USH2A: variants seen among roughly 807,000 people sequenced by gnomAD.
USH2A encodes usherin.
Under a neutral mutation model 538.9 loss-of-function variants are expected in USH2A, and 443 were observed. That is an observed-to-expected ratio of 0.82 (90% CI 0.76 to 0.89). The LOEUF (loss-of-function observed/expected upper bound fraction) is 0.89, where lower values mean the gene tolerates loss of function less well. USH2A is among the 40% of genes least tolerant of loss of function. The pLI, the probability that USH2A is intolerant of heterozygous loss-of-function variation, is 0.00. For missense variants in USH2A, 6,633 were observed against 6,324.8 expected, an observed-to-expected ratio of 1.05 and a Z score of -1.65; for synonymous variants, 2,413 against 2,273.5, an observed-to-expected ratio of 1.06 and a Z score of -1.75.
At chr1:216,026,555 C>A (rs892292318) in intron 32 of USH2A, among the ~76,000 whole-genome samples, 2 of 152,150 alleles carry the variant, frequency 1.3e-5, no homozygotes, top group African/African-American at 2.4e-5. Context: ...CCTTACCAGT[C>A]TGGCATTCTG....
intron 50 of USH2A, among the ~76,000 whole-genome samples, chr1:215,792,011 A>G (rs913774760): frequency 6.6e-6 from 1 of 151,996 alleles, no homozygotes; most frequent in Non-Finnish European, 1.5e-5. Context: ...TTTACTGTTA[A>G]TTTTTTCTCT....
intron 20 of USH2A, among the ~76,000 whole-genome samples, chr1:216,187,655 A>G (rs149089206): frequency 1.3e-5 from 2 of 152,068 alleles, no homozygotes; most frequent in East Asian, 3.9e-4. Flanking sequence ...TTTTGATAAC[A>G]TTAGAAATTC....
chr1:215,998,188 G>A (rs574748549), intron 34 of USH2A, among the ~76,000 whole-genome samples: 13 of 152,128 alleles, frequency 8.5e-5, no homozygotes, highest in African/African-American at 2.2e-4. Flanking sequence ...ACAATCTCAT[G>A]TTTATATTCA....
intron 11 of USH2A, among the ~76,000 whole-genome samples, chr1:216,286,186 A>G (rs2036879734): frequency 6.6e-6 from 1 of 152,160 alleles, no homozygotes; most frequent in Non-Finnish European, 1.5e-5. Context: ...TGTAGTTCCC[A>G]TAATCCCCAT....
intron 9 of USH2A, among the ~76,000 whole-genome samples, chr1:216,320,917 A>G (rs1044142068): frequency 1.3e-5 from 2 of 152,050 alleles, no homozygotes; most frequent in African/African-American, 4.8e-5. Context: ...TAGAATTTTA[A>G]ATATTTATAT....
At chr1:215,898,150 A>G (rs1665399147) in intron 40 of USH2A, among the ~76,000 whole-genome samples, 1 of 152,214 alleles carries the variant, frequency 6.6e-6, no homozygotes, top group Non-Finnish European at 1.5e-5. Context: ...TACACAAAGC[A>G]GAGGAAGGAA....
rs542211643 is a variant in USH2A, at chr1:216,374,702, T to C, written c.652-9617A>G. ...TTTTACTCAGTGGGATATAATTAAT[T>C]ACTCTCAATATGTATTTCAGTGCTC... On this transcript the variant is annotated intron_variant, in intron 3 of 71. Coordinates refer to ENST00000307340, the MANE Select transcript of USH2A (RefSeq NM_206933.4). Among the ~76,000 whole-genome samples the C allele has an allele frequency of 2.0e-5, 3 of 152,290 alleles. No individual in the cohort carries two copies. The South Asian group carries it at 6.2e-4, about 32-fold the overall frequency.
intron 3 of USH2A, among the ~76,000 whole-genome samples, chr1:216,413,176 A>G (rs1382685039): frequency 6.6e-6 from 1 of 152,062 alleles, no homozygotes; most frequent in Non-Finnish European, 1.5e-5. Flanking sequence ...TTTAGCACAC[A>G]TATGCATGCA....
chr1:216,132,050 CTT>C (rs1467750905), intron 21 of USH2A, among the ~76,000 whole-genome samples: 1 of 152,024 alleles, frequency 6.6e-6, no homozygotes, highest in African/African-American at 2.4e-5. Flanking sequence ...TCCACATGCT[CTT>C]GAGTCCAAGT....
intron 32 of USH2A, among the ~76,000 whole-genome samples, chr1:216,034,387 G>A (rs1571905560): frequency 6.6e-6 from 1 of 152,118 alleles, no homozygotes; most frequent in African/African-American, 2.4e-5. Context: ...CAACTGAGTG[G>A]CAAAGTAGTT....
chr1:215,693,984 A>G (rs1485236480), intron 61 of USH2A, among the ~76,000 whole-genome samples: 3 of 152,230 alleles, frequency 2.0e-5, no homozygotes, highest in African/African-American at 7.2e-5. Context: ...AAGGGCTGCT[A>G]TGCTTGTAAC....
chr1:215,859,316 C>T (rs949742527), intron 44 of USH2A, among the ~76,000 whole-genome samples: 2 of 151,986 alleles, frequency 1.3e-5, no homozygotes, highest in South Asian at 2.1e-4. Context: ...GGGAGGATCA[C>T]GAAGTCAGGA....
intron 3 of USH2A, among the ~76,000 whole-genome samples, chr1:216,400,212 G>T (rs918188611): frequency 7.6e-5 from 5 of 65,920 alleles, no homozygotes; most frequent in Non-Finnish European, 1.4e-4. Context: ...CATAGAAATA[G>T]AAGTTATATA....
At chr1:215,849,270 G>C (rs1663954372) in intron 44 of USH2A, among the ~76,000 whole-genome samples, 1 of 152,002 alleles carries the variant, frequency 6.6e-6, no homozygotes, top group Non-Finnish European at 1.5e-5. Flanking sequence ...AATAAAAAAG[G>C]GACATTACTT....
Position 216,207,380 on chromosome 1 carries a change from A to T in USH2A, c.3209T>A (p.Ile1070Asn), listed in dbSNP as rs992245384. The T allele has an allele frequency of 5.6e-6, 9 of 1,613,962 alleles. No homozygotes were observed. Among genetic ancestry groups the T allele is most frequent in the Non-Finnish European group, 7.6e-6 (9 of 1,179,976 alleles). The change falls in exon 16 of 72, where the codon ATC (isoleucine) becomes AAC (asparagine). Residue 1070 changes from isoleucine to asparagine, a missense_variant. Coordinates refer to ENST00000307340, the MANE Select transcript of USH2A (RefSeq NM_206933.4). ...ATCAGGTGGACTCCAGGAGAGATTG[A>T]TAGCAGAAGAACTTTGAACTTGTCC... Reference protein sequence around the residue: ...PRGQVQSSSAINLSWSPPDSP... With the variant: ...PRGQVQSSSANNLSWSPPDSP...
At chr1:216,031,482 C>A (rs1669122238) in intron 32 of USH2A, among the ~76,000 whole-genome samples, 1 of 152,096 alleles carries the variant, frequency 6.6e-6, no homozygotes, top group African/African-American at 2.4e-5. Flanking sequence ...TAATGCGTTT[C>A]TCTCCTCTCC....
intron 55 of USH2A, among the ~76,000 whole-genome samples, chr1:215,768,873 GTC>G (rs1336897243): frequency 6.6e-6 from 1 of 152,272 alleles, no homozygotes; most frequent in South Asian, 2.1e-4. Flanking sequence ...CACTGAGCGA[GTC>G]TTTTTGGGAG....
chr1:215,900,247 G>C (rs542539325), intron 39 of USH2A, 30 bp from the exon 40 acceptor site: 4 of 1,611,834 alleles, frequency 2.5e-6, no homozygotes, highest in South Asian at 2.2e-5. Flanking sequence ...CAATTAGGAA[G>C]TTTTCGACAT....
chr1:215,972,158 A>G (rs1410255932), intron 35 of USH2A, among the ~76,000 whole-genome samples: 1 of 151,966 alleles, frequency 6.6e-6, no homozygotes, highest in Non-Finnish European at 1.5e-5. Flanking sequence ...TTGGCCTTCT[A>G]TTGGGTTTTG....
Sources: gnomAD v4.1 joint callset for allele counts (sites outside exome capture counted in the v4.1 genomes callset) on GRCh38, gnomAD v4.1.1 for gene constraint, MANE v1.5 for transcripts, NCBI Gene and HGNC (gene_info 2026-07-23, HGNC 2026-07-21) for gene names.